Variants in CHCHD3 observed in about 807,000 individuals in gnomAD.
The protein encoded by CHCHD3 is MICOS complex subunit MIC19.
In CHCHD3, 20 loss-of-function variants were observed where a neutral mutation model predicts 38.2. The observed-to-expected ratio is 0.52, with a 90% CI of 0.37 to 0.76. CHCHD3 has a LOEUF of 0.76. Ranked by LOEUF, CHCHD3 falls within the 30% of genes least tolerant of loss-of-function variation. The probability of loss-of-function intolerance (pLI) is 0.00; values close to 1 mark genes in which losing one functional copy is unlikely to be tolerated. For synonymous variants in CHCHD3, 82 were observed against 100.0 expected (o/e 0.82, Z 1.07); for missense variants, 245 against 279.2 (o/e 0.88, Z 0.87).
chr7:132,873,777 T>C (rs1016879303), intron 5 of CHCHD3, among the ~76,000 whole-genome samples: 1 of 152,118 alleles, frequency 6.6e-6, no homozygotes, highest in African/African-American at 2.4e-5. Flanking sequence ...TCATCATCAT[T>C]ATTCACCTTC....
chr7:132,817,006 A>C (rs1204615709), intron 6 of CHCHD3, among the ~76,000 whole-genome samples: 2 of 152,222 alleles, frequency 1.3e-5, no homozygotes, highest in Non-Finnish European at 2.9e-5. Flanking sequence ...TGGCTGCCTG[A>C]AAAACAGACA....
intron 4 of CHCHD3, among the ~76,000 whole-genome samples, chr7:132,914,270 G>A (rs1190655505): frequency 6.6e-6 from 1 of 152,100 alleles, no homozygotes; most frequent in Non-Finnish European, 1.5e-5. Flanking sequence ...TTACAGGCAT[G>A]AGCCGACACA....
intron 3 of CHCHD3, among the ~76,000 whole-genome samples, chr7:132,992,039 AG>A (rs1483640507): frequency 6.6e-6 from 1 of 152,234 alleles, no homozygotes; most frequent in East Asian, 1.9e-4. Flanking sequence ...GGGGAAGGCA[AG>A]GTCTCTAAAC....
chr7:132,872,833 C>T lies in CHCHD3; in HGVS notation c.453+12829G>A, dbSNP rs373560739. Among the ~76,000 whole-genome samples the T allele has an allele frequency of 2.6e-5, 4 of 151,882 alleles. No homozygotes were observed. In the East Asian group the frequency reaches 5.8e-4, roughly 22 times the overall value. The stretch of plus-strand genomic sequence containing the variant: ...TTTTAAAGAGGGGGAGGGCCGGACT[C>T]GGTGGCTTATGCCTGTAATCTCAGC... On this transcript the variant is annotated intron_variant, in intron 5 of 7. Transcript: ENST00000262570.
At chr7:133,062,490 T>C (rs551488260) in intron 2 of CHCHD3, among the ~76,000 whole-genome samples, 1 of 152,334 alleles carries the variant, frequency 6.6e-6, no homozygotes, top group East Asian at 1.9e-4. Flanking sequence ...TTTCTTAATA[T>C]AGTTTTGGTG....
chr7:133,038,792 A>G (rs991726836), intron 2 of CHCHD3, among the ~76,000 whole-genome samples: 2 of 152,252 alleles, frequency 1.3e-5, no homozygotes, highest in Admixed American at 6.5e-5. Context: ...CACTGCCACA[A>G]AATGTCACTA....
intron 3 of CHCHD3, among the ~76,000 whole-genome samples, chr7:133,006,262 T>C (rs914470837): frequency 1.3e-5 from 2 of 152,050 alleles, no homozygotes. Flanking sequence ...GGTCCAGAGT[T>C]AGAGACCAGC....
intron 4 of CHCHD3, among the ~76,000 whole-genome samples, chr7:132,931,533 T>C (rs376252037): frequency 6.6e-6 from 1 of 152,190 alleles, no homozygotes; most frequent in African/African-American, 2.4e-5. Context: ...AAAGCGCTAA[T>C]CAAAGTATTA....
At chr7:132,979,507 T>C (rs77886058) in intron 3 of CHCHD3, among the ~76,000 whole-genome samples, 2,296 of 152,272 alleles carry the variant, frequency 0.015, 56 homozygotes, top group African/African-American at 0.052. Flanking sequence ...TCTATGACAC[T>C]GCATGGGTGG....
intron 6 of CHCHD3, among the ~76,000 whole-genome samples, chr7:132,805,453 C>T (rs1229302270): frequency 6.6e-6 from 1 of 151,900 alleles, no homozygotes; most frequent in African/African-American, 2.4e-5. Context: ...GGTCCAGGCT[C>T]AATCGAGTCT....
intron 4 of CHCHD3, among the ~76,000 whole-genome samples, chr7:132,963,694 T>TACACACACACACAC (rs71178068): frequency 0.31 from 46,468 of 148,574 alleles, 7,537 homozygotes; most frequent in East Asian, 0.51. Context: ...CAAACGATTA[T>TACACACACACACAC]ACACACACAC....
At chr7:133,008,784 A>G (rs930473454) in intron 3 of CHCHD3, among the ~76,000 whole-genome samples, 1 of 152,176 alleles carries the variant, frequency 6.6e-6, no homozygotes, top group African/African-American at 2.4e-5. Flanking sequence ...ATCGATTTTA[A>G]TATAACATTT....
chr7:132,955,699 G>A (rs1421264011), intron 4 of CHCHD3, among the ~76,000 whole-genome samples: 6 of 152,096 alleles, frequency 3.9e-5, no homozygotes, highest in Admixed American at 3.9e-4. Flanking sequence ...GGCAATAGGT[G>A]GAGGAACTAA....
At chr7:132,990,862 C>G (rs1455733545) in intron 3 of CHCHD3, among the ~76,000 whole-genome samples, 1 of 151,704 alleles carries the variant, frequency 6.6e-6, no homozygotes, top group Non-Finnish European at 1.5e-5. Flanking sequence ...AAAATGCAAC[C>G]TCTCACCCTA....
chr7:133,000,383 G>C (rs1812536323), intron 3 of CHCHD3, among the ~76,000 whole-genome samples: 1 of 152,176 alleles, frequency 6.6e-6, no homozygotes, highest in East Asian at 1.9e-4. Context: ...TGTTCATTTA[G>C]AACATTTTTA....
At chr7:132,824,282 G>C (rs1807451044) in intron 6 of CHCHD3, among the ~76,000 whole-genome samples, 2 of 138,204 alleles carry the variant, frequency 1.4e-5, no homozygotes, top group South Asian at 4.7e-4. Context: ...AGGGATAGGT[G>C]AAAGAAAAAA....
At chr7:132,840,748 G>A (rs1447712589) in intron 5 of CHCHD3, among the ~76,000 whole-genome samples, 1 of 152,032 alleles carries the variant, frequency 6.6e-6, no homozygotes, top group African/African-American at 2.4e-5. Context: ...GATTCTAAAT[G>A]GTAAAAAGTA....
chr7:132,996,103 T>C (rs78899897), intron 3 of CHCHD3, among the ~76,000 whole-genome samples: 5,279 of 152,296 alleles, frequency 0.035, 294 homozygotes, highest in African/African-American at 0.12. Context: ...CTAGTCACTA[T>C]GCTATATCTT....
intron 5 of CHCHD3, among the ~76,000 whole-genome samples, chr7:132,848,927 C>G (rs1808146400): frequency 6.6e-6 from 1 of 152,156 alleles, no homozygotes; most frequent in Non-Finnish European, 1.5e-5. Flanking sequence ...TGTCCTCAGA[C>G]AGAAAAATCA....
Sources: gnomAD v4.1 joint callset for allele counts (sites outside exome capture counted in the v4.1 genomes callset) on GRCh38, gnomAD v4.1.1 for gene constraint, MANE v1.5 for transcripts, NCBI Gene and HGNC (gene_info 2026-07-23, HGNC 2026-07-21) for gene names.